Variants in PTPRM observed in about 807,000 individuals in gnomAD.
PTPRM encodes the protein protein tyrosine phosphatase receptor type M.
Under a neutral mutation model 186.7 loss-of-function variants are expected in PTPRM, and 47 were observed. That is an observed-to-expected ratio of 0.25 (90% confidence interval 0.20 to 0.32). PTPRM has a LOEUF of 0.32. Among genes scored for constraint, PTPRM ranks in the 10% least tolerant of loss-of-function variants. The pLI, the probability that PTPRM is intolerant of heterozygous loss-of-function variation, is 1.00. For missense variants in PTPRM, 1,494 were observed against 1,865.0 expected, an observed-to-expected ratio of 0.80 and a Z score of 3.66; for synonymous variants, 668 against 674.9, an observed-to-expected ratio of 0.99 and a Z score of 0.16.
At chr18:8,296,228 G>A (rs990523487) in intron 19 of PTPRM, 140 bp from the exon 20 acceptor site, 11 of 610,116 alleles carry the variant, frequency 1.8e-5, no homozygotes, top group Middle Eastern at 3.0e-4. Context: ...TAAATGTAGT[G>A]TAATAATCCC....
intron 2 of PTPRM, among the ~76,000 whole-genome samples, chr18:7,884,924 CAAAAAAAAAAA>C (rs56724615): frequency 5.8e-4 from 22 of 37,848 alleles, no homozygotes; most frequent in Admixed American, 1.2e-3. Flanking sequence ...AGCTCCATCT[CAAAAAAAAAAA>C]AAAAAAAAAA....
intron 22 of PTPRM, among the ~76,000 whole-genome samples, chr18:8,325,993 C>T (rs1252493668): frequency 6.6e-6 from 1 of 152,058 alleles, no homozygotes; most frequent in African/African-American, 2.4e-5. Context: ...GTATCTGTTC[C>T]TGTTTTTTGC....
At chr18:8,035,289 T>C (rs946788903) in intron 7 of PTPRM, among the ~76,000 whole-genome samples, 2 of 152,212 alleles carry the variant, frequency 1.3e-5, no homozygotes. Flanking sequence ...AGTTTAATTC[T>C]TAGATTTATT....
chr18:7,907,124 C>A (rs944992094), intron 4 of PTPRM, among the ~76,000 whole-genome samples: 50 of 152,188 alleles, frequency 3.3e-4, no homozygotes, highest in African/African-American at 1.1e-3. Context: ...GATAAACATA[C>A]AATTTTTAAA....
chr18:7,792,064 C>T (rs2043369890), intron 2 of PTPRM, among the ~76,000 whole-genome samples: 1 of 152,152 alleles, frequency 6.6e-6, no homozygotes, highest in Admixed American at 6.5e-5. Context: ...GAATAAATGT[C>T]AGCTTTTCCA....
In PTPRM at chr18:7,715,476, T is replaced by C. The variant is rs538060109; in HGVS notation, c.74-58673T>C. ...CAAGAATGCCCTCTCTCACCACTTC[T>C]ATTCAACATAATATTGGAAGTGCTG... On this transcript the variant is annotated intron_variant, in intron 1 of 32. Transcript: ENST00000580170. Among the ~76,000 whole-genome samples the C allele has an allele frequency of 1.3e-3, 196 of 152,176 alleles. 2 individuals are homozygous for C. Among genetic ancestry groups the C allele is most frequent in the Non-Finnish European group, 2.6e-3 (180 of 68,036 alleles).
At chr18:8,087,784 T>A (rs1227265642) in intron 10 of PTPRM, among the ~76,000 whole-genome samples, 1 of 152,162 alleles carries the variant, frequency 6.6e-6, no homozygotes, top group African/African-American at 2.4e-5. Context: ...TTTTTGTATA[T>A]GTAAGACAAT....
chr18:8,331,657 C>T (rs2095412951), intron 22 of PTPRM, among the ~76,000 whole-genome samples: 1 of 152,200 alleles, frequency 6.6e-6, no homozygotes, highest in African/African-American at 2.4e-5. Context: ...ATATAGTTTT[C>T]ATGAAAGCTG....
chr18:8,360,874 T>A (rs1394557001), intron 23 of PTPRM: 4 of 152,220 alleles, frequency 2.6e-5, no homozygotes, highest in Non-Finnish European at 5.9e-5. Context: ...ACATTTGTTA[T>A]CTCACCAAAA....
chr18:8,125,982 T>C (rs1482842970), intron 13 of PTPRM, among the ~76,000 whole-genome samples: 2 of 3,702 alleles, frequency 5.4e-4, no homozygotes, highest in Admixed American at 4.5e-3. Flanking sequence ...TATACATATA[T>C]ATATATATAT....
At chr18:7,958,941 G>A (rs937994572) in intron 7 of PTPRM, among the ~76,000 whole-genome samples, 1 of 152,210 alleles carries the variant, frequency 6.6e-6, no homozygotes, top group Non-Finnish European at 1.5e-5. Context: ...TAGAGCCAGA[G>A]TCAGCGGTTG....
chr18:7,783,025 A>G (rs1376484840), intron 2 of PTPRM, among the ~76,000 whole-genome samples: 1 of 152,236 alleles, frequency 6.6e-6, no homozygotes, highest in Non-Finnish European at 1.5e-5. Flanking sequence ...TTTATAAATA[A>G]TGTGTTTTAA....
At chr18:8,219,924 G>A (rs1265850837) in intron 14 of PTPRM, among the ~76,000 whole-genome samples, 2 of 152,000 alleles carry the variant, frequency 1.3e-5, no homozygotes, top group Non-Finnish European at 2.9e-5. Flanking sequence ...TCAATCTTAT[G>A]ATCTCTATTT....
chr18:8,374,505 G>C (rs1031912886), intron 24 of PTPRM, among the ~76,000 whole-genome samples: 7 of 152,188 alleles, frequency 4.6e-5, no homozygotes, highest in Admixed American at 2.6e-4. Flanking sequence ...TAGGGGTTTT[G>C]AGGGTGACAC....
rs577835685 is a variant in PTPRM at position 8,036,092 on chromosome 18, T to C, written c.1133-33594T>C. On this transcript the variant is annotated intron_variant, in intron 7 of 32. Coordinates refer to ENST00000580170, the MANE Select transcript of PTPRM (RefSeq NM_001105244.2). ...CGGAGTAGCCACATCATGCTGGAGG[T>C]TGCATCAACTGGTGGTGGTTACTGT... Among the ~76,000 whole-genome samples the C allele has an allele frequency of 9.2e-5, 14 of 152,120 alleles. No homozygotes were observed. In the East Asian group the frequency reaches 2.5e-3, roughly 27 times the overall value.
rs1367102366 is a variant in PTPRM at position 8,070,746 on chromosome 18, G to A, written c.1441+752G>A. On this transcript the variant is annotated intron_variant, in intron 8 of 32. Coordinates refer to ENST00000580170, the MANE Select transcript of PTPRM (RefSeq NM_001105244.2). ...TTCATATAGTACATAAAATACAATG[G>A]TAGTATATCATAAATTTGACCTAAA... is the stretch of plus-strand genomic sequence containing the variant. Among the ~76,000 whole-genome samples, 3 of 152,098 alleles carry A rather than the reference G, an allele frequency of 2.0e-5. No homozygotes were observed. The East Asian group carries it at 5.8e-4, about 29-fold the overall frequency.
At chr18:8,283,819 C>T (rs999368526) in intron 19 of PTPRM, among the ~76,000 whole-genome samples, 1 of 151,386 alleles carries the variant, frequency 6.6e-6, no homozygotes, top group Non-Finnish European at 1.5e-5. Flanking sequence ...GGTGGGGTCT[C>T]GCTATGTTGC....
At chr18:7,635,700 G>A (rs1446825247) in intron 1 of PTPRM, among the ~76,000 whole-genome samples, 2 of 152,286 alleles carry the variant, frequency 1.3e-5, no homozygotes, top group South Asian at 2.1e-4. Flanking sequence ...CAAACATGGC[G>A]GAAACTTCTG....
chr18:7,776,660 GA>G (rs1022723274), intron 2 of PTPRM, among the ~76,000 whole-genome samples: 5 of 151,956 alleles, frequency 3.3e-5, no homozygotes, highest in South Asian at 2.1e-4. Context: ...TCTACTTGGG[GA>G]AAAAAAGTTA....
Sources: allele counts gnomAD v4.1 joint callset (sites outside exome capture counted in the v4.1 genomes callset), GRCh38; gene constraint gnomAD v4.1.1; transcripts MANE v1.5; gene names NCBI Gene and HGNC (gene_info 2026-07-23, HGNC 2026-07-21).